The following NRG3 variants were observed in gnomAD, a reference collection of about 807,000 sequenced individuals.
NRG3 encodes the protein neuregulin 3.
In NRG3, 31 loss-of-function variants were observed where a neutral mutation model predicts 66.9. That is an observed-to-expected ratio of 0.46 (90% CI 0.35 to 0.63). NRG3 has a LOEUF of 0.63. NRG3 is among the 20% of genes least tolerant of loss of function. The probability of loss-of-function intolerance (pLI) is 0.00; values close to 1 mark genes in which losing one functional copy is unlikely to be tolerated. For missense variants in NRG3, 910 were observed against 878.9 expected (o/e 1.04, Z -0.45); for synonymous variants, 393 against 359.4 (o/e 1.09, Z -1.06).
chr10:82,198,156 G>C (rs1478811641), intron 1 of NRG3, among the ~76,000 whole-genome samples: 3 of 152,090 alleles, frequency 2.0e-5, no homozygotes, highest in Admixed American at 1.3e-4. Context: ...TAAAAAATAT[G>C]GGGACGGAAA....
intron 1 of NRG3, among the ~76,000 whole-genome samples, chr10:82,255,135 C>T (rs2077656980): frequency 6.6e-6 from 1 of 152,204 alleles, no homozygotes; most frequent in Non-Finnish European, 1.5e-5. Flanking sequence ...TGGCACTTTA[C>T]ATCTGTAGTC....
chr10:82,643,285 C>A (rs2079691837), intron 2 of NRG3, among the ~76,000 whole-genome samples: 1 of 151,978 alleles, frequency 6.6e-6, no homozygotes, highest in South Asian at 2.1e-4. Flanking sequence ...GTGAATAAGT[C>A]TAATGAGATC....
intron 2 of NRG3, among the ~76,000 whole-genome samples, chr10:82,412,183 G>A (rs1450057452): frequency 6.6e-6 from 1 of 152,082 alleles, no homozygotes; most frequent in East Asian, 1.9e-4. Flanking sequence ...TCCTAAGAGT[G>A]GGCAAATAAT....
intron 2 of NRG3, among the ~76,000 whole-genome samples, chr10:82,366,341 T>TTTA (rs2084522230): frequency 2.0e-5 from 3 of 152,202 alleles, no homozygotes; most frequent in Admixed American, 1.3e-4. Context: ...ACCAGTATCA[T>TTTA]CTGCCTTATT....
intron 1 of NRG3, among the ~76,000 whole-genome samples, chr10:81,892,587 T>C (rs1225686915): frequency 6.6e-6 from 1 of 152,074 alleles, no homozygotes; most frequent in Non-Finnish European, 1.5e-5. Flanking sequence ...GATTTTGATA[T>C]CAGAATGTGG....
chr10:82,248,917 TAGTC>T (rs1229940024), intron 1 of NRG3, among the ~76,000 whole-genome samples: 1 of 152,152 alleles, frequency 6.6e-6, no homozygotes, highest in Non-Finnish European at 1.5e-5. Flanking sequence ...CTCAGTATAA[TAGTC>T]AGTACTGATG....
rs60288660 is a variant in NRG3 at position 82,097,369 on chromosome 10, T to TACACACACACAC, written c.823+221223_823+221234dup. On this transcript the variant is annotated intron_variant, in intron 1 of 8. Coordinates refer to ENST00000372141, the MANE Select transcript of NRG3 (RefSeq NM_001010848.4). ...ATGTTATTTTCAGTTTCCAGATGGT[T>TACACACACACAC]ACACACACACACACACACACACACA... Among the ~76,000 whole-genome samples, 443 of 141,026 alleles carry TACACACACACAC rather than the reference T, an allele frequency of 3.1e-3. 3 individuals are homozygous for TACACACACACAC. The highest frequency in any genetic ancestry group is 0.019 in the Middle Eastern group (5 of 268). 92.5% of individuals were successfully genotyped at this position (141,026 alleles called of 152,430 possible).
chr10:81,936,990 A>G (rs1847940418), intron 1 of NRG3, among the ~76,000 whole-genome samples: 1 of 152,202 alleles, frequency 6.6e-6, no homozygotes, highest in African/African-American at 2.4e-5. Flanking sequence ...GAAAAGTTAG[A>G]CTACTTTAGA....
chr10:82,156,491 CTG>C (rs2071196266), intron 1 of NRG3, among the ~76,000 whole-genome samples: 1 of 151,658 alleles, frequency 6.6e-6, no homozygotes, highest in South Asian at 2.1e-4. Context: ...TACTCTGAAA[CTG>C]TTAGCCAGCA....
At chr10:82,479,364 G>A (rs564164812) in intron 2 of NRG3, among the ~76,000 whole-genome samples, 1 of 152,036 alleles carries the variant, frequency 6.6e-6, no homozygotes, top group African/African-American at 2.4e-5. Flanking sequence ...GAGAGGAAGG[G>A]GGGAAGAGAG....
At chr10:82,416,908 T>A (rs2088624972) in intron 2 of NRG3, among the ~76,000 whole-genome samples, 1 of 152,100 alleles carries the variant, frequency 6.6e-6, no homozygotes, top group Admixed American at 6.6e-5. Context: ...AAATAGTACT[T>A]AACATGGAGA....
intron 1 of NRG3, among the ~76,000 whole-genome samples, chr10:82,332,359 C>A (rs1412629400): frequency 6.6e-6 from 1 of 152,092 alleles, no homozygotes; most frequent in East Asian, 1.9e-4. Flanking sequence ...TCATGGGGAA[C>A]CAGGGTAATG....
intron 1 of NRG3, among the ~76,000 whole-genome samples, chr10:82,150,914 C>T (rs1007772188): frequency 6.6e-6 from 1 of 152,138 alleles, no homozygotes; most frequent in Non-Finnish European, 1.5e-5. Flanking sequence ...ACTACTTGTG[C>T]TGTAAAGTAG....
intron 1 of NRG3, among the ~76,000 whole-genome samples, chr10:82,307,970 A>G (rs576160801): frequency 3.3e-5 from 5 of 152,122 alleles, no homozygotes; most frequent in Non-Finnish European, 7.4e-5. Context: ...TTTGCTTTAT[A>G]TCAGTATTTC....
chr10:82,316,625 CT>C (rs1176543801), intron 1 of NRG3, among the ~76,000 whole-genome samples: 1 of 152,186 alleles, frequency 6.6e-6, no homozygotes, highest in East Asian at 1.9e-4. Context: ...GGCCGCACTT[CT>C]GTCATTTGCT....
intron 3 of NRG3, among the ~76,000 whole-genome samples, chr10:82,787,209 A>AT (rs758755462): frequency 1.2e-4 from 19 of 152,054 alleles, no homozygotes; most frequent in Non-Finnish European, 2.6e-4. Flanking sequence ...TGCCCTACTG[A>AT]TTTTACAGCC....
chr10:82,809,524 A>G (rs1158589635), intron 3 of NRG3, among the ~76,000 whole-genome samples: 5 of 152,106 alleles, frequency 3.3e-5, no homozygotes, highest in Admixed American at 1.3e-4. Context: ...GTTTGTAACT[A>G]TGTCCCCATA....
intron 6 of NRG3, among the ~76,000 whole-genome samples, chr10:82,964,944 G>C (rs1308231346): frequency 1.3e-5 from 2 of 152,104 alleles, no homozygotes; most frequent in African/African-American, 4.8e-5. Context: ...TATTGATTTC[G>C]GTGCACCACC....
intron 1 of NRG3, among the ~76,000 whole-genome samples, chr10:82,023,582 A>G (rs1447136656): frequency 1.3e-5 from 2 of 152,022 alleles, no homozygotes; most frequent in Admixed American, 1.3e-4. Flanking sequence ...GTTGAATGTA[A>G]TGGAATGCTT....
Sources: gnomAD v4.1 joint callset for allele counts (sites outside exome capture counted in the v4.1 genomes callset) on GRCh38, gnomAD v4.1.1 for gene constraint, MANE v1.5 for transcripts, NCBI Gene and HGNC (gene_info 2026-07-23, HGNC 2026-07-21) for gene names.